Variants in SFMBT1 observed in about 807,000 individuals in gnomAD.
SFMBT1 encodes the protein Scm like with four mbt domains 1, also known as scm-like with four MBT domains protein 1.
SFMBT1 carries 32 observed loss-of-function variants against 108.7 expected under a neutral mutation model. The observed-to-expected ratio is 0.29, with a 90% CI of 0.22 to 0.40. The LOEUF is 0.40. SFMBT1 is among the 10% of genes least tolerant of loss of function. The probability of loss-of-function intolerance (pLI) is 1.00; values close to 1 mark genes in which losing one functional copy is unlikely to be tolerated. For missense variants in SFMBT1, 816 were observed against 1,059.6 expected, an observed-to-expected ratio of 0.77 and a Z score of 3.19; for synonymous variants, 348 against 369.5, an observed-to-expected ratio of 0.94 and a Z score of 0.67.
intron 1 of SFMBT1, among the ~76,000 whole-genome samples, chr3:52,995,119 T>C (rs1575426127): frequency 6.9e-6 from 1 of 145,096 alleles, no homozygotes; most frequent in South Asian, 2.2e-4. Context: ...ACTAAAAAAA[T>C]ACCTAAATAA....
intron 3 of SFMBT1, among the ~76,000 whole-genome samples, chr3:52,948,939 AG>A (rs1404247526): frequency 1.4e-5 from 2 of 145,300 alleles, no homozygotes; most frequent in African/African-American, 5.1e-5. Context: ...CTGGGATTAC[AG>A]GTGTGAGCCA....
chr3:52,958,961 A>G (rs181257357), intron 2 of SFMBT1, among the ~76,000 whole-genome samples: 17 of 152,352 alleles, frequency 1.1e-4, no homozygotes, highest in Admixed American at 1.1e-3. Flanking sequence ...AAGGAACGAG[A>G]TAATGTCCTT....
intron 3 of SFMBT1, 64 bp from the exon 4 acceptor site, chr3:52,943,657 G>A (rs1423261422): frequency 2.5e-6 from 4 of 1,604,288 alleles, no homozygotes; most frequent in African/African-American, 2.7e-5. Context: ...TTTGACCAAT[G>A]TTCTTTTTTA....
At chr3:52,915,555 G>A (rs535669490) in intron 14 of SFMBT1, among the ~76,000 whole-genome samples, 13 of 152,196 alleles carry the variant, frequency 8.5e-5, no homozygotes, top group Admixed American at 1.3e-4. Flanking sequence ...ACCCAAATGC[G>A]CAATCTGTGC....
chr3:52,920,564 G>A lies in SFMBT1; in HGVS notation c.1345C>T (p.Pro449Ser), dbSNP rs377104271. Residue 449 changes from proline (P) to serine (S), a missense_variant, in exon 12 of 21, where the codon CCC becomes TCC. Transcript: ENST00000394752. ...CGTGCTCGGCGAGGAGTGCTGAGGG[G>A]GTGGCCGTTGGTTTCACACCAGCCC... is the stretch of plus-strand genomic sequence containing the variant. ...PLGWCETNGH[P>S]LSTPRRARVY... 1 of 1,613,842 alleles carries A rather than the reference G, an allele frequency of 6.2e-7. No homozygotes were observed.
Position 52,904,365 on chromosome 3 carries a change from C to G in SFMBT1, c.*771G>C, listed in dbSNP as rs1451089635. Reference sequence around the variant, plus strand: ...AACAGTAACAGTAGAGTTCTCAGATCAGGTCAGTTAAGGAACTGGTGTAAG... The same window carrying G: ...AACAGTAACAGTAGAGTTCTCAGATGAGGTCAGTTAAGGAACTGGTGTAAG... On this transcript the variant is annotated 3_prime_UTR_variant, in exon 21 of 21. Coordinates refer to ENST00000394752, the MANE Select transcript of SFMBT1 (RefSeq NM_016329.4). The G allele has an allele frequency of 1.3e-5, 2 of 152,194 alleles. No homozygotes were observed. Among genetic ancestry groups the G allele is most frequent in the African/African-American group, 4.8e-5 (2 of 41,440 alleles). 9.4% of individuals were successfully genotyped at this position (152,194 alleles called of 1,614,324 possible). A position where few individuals can be genotyped will look rare whatever the true frequency, so the allele number is the denominator to read the frequency against.
chr3:52,974,863 T>TGAG (rs1207352879), intron 1 of SFMBT1, among the ~76,000 whole-genome samples: 13 of 142,814 alleles, frequency 9.1e-5, no homozygotes, highest in Non-Finnish European at 1.7e-4. Flanking sequence ...AAAAATTAGC[T>TGAG]GAGTGTGGTG....
chr3:52,965,484 C>A (rs1704101992), intron 2 of SFMBT1, among the ~76,000 whole-genome samples: 1 of 151,578 alleles, frequency 6.6e-6, no homozygotes, highest in African/African-American at 2.4e-5. Context: ...TAAAGCAAAG[C>A]GTTGCGGGTG....
intron 1 of SFMBT1, among the ~76,000 whole-genome samples, chr3:52,981,165 A>G (rs935820179): frequency 5.6e-5 from 5 of 89,334 alleles, no homozygotes; most frequent in African/African-American, 1.5e-4. Flanking sequence ...TCCATCTCAG[A>G]AAAAAAAAAA....
At chr3:52,950,037 T>C (rs1703518299) in intron 3 of SFMBT1, among the ~76,000 whole-genome samples, 4 of 151,980 alleles carry the variant, frequency 2.6e-5, no homozygotes, top group Admixed American at 2.0e-4. Context: ...GTCATATTTT[T>C]TGATCCACTC....
chr3:53,034,517 T>C (rs541483015), intron 1 of SFMBT1, among the ~76,000 whole-genome samples: 3 of 151,498 alleles, frequency 2.0e-5, no homozygotes, highest in Non-Finnish European at 2.9e-5. Flanking sequence ...GAGGCGGAGG[T>C]TGCAGTGAGC....
intron 1 of SFMBT1, among the ~76,000 whole-genome samples, chr3:53,040,130 G>C (rs1459420577): frequency 6.6e-6 from 1 of 152,154 alleles, no homozygotes. Context: ...AAAACTGAGA[G>C]ACAGGAAAGC....
At chr3:52,999,187 G>A (rs1301352144) in intron 1 of SFMBT1, among the ~76,000 whole-genome samples, 2 of 150,866 alleles carry the variant, frequency 1.3e-5, no homozygotes, top group Admixed American at 6.6e-5. Flanking sequence ...AGGGCCAGCC[G>A]GGCAGCCCAA....
intron 1 of SFMBT1, among the ~76,000 whole-genome samples, chr3:53,012,481 C>A (rs528525324): frequency 6.6e-6 from 1 of 152,016 alleles, no homozygotes; most frequent in African/African-American, 2.4e-5. Flanking sequence ...CAGCTCACTG[C>A]AAGCTCCGCC....
chr3:52,991,390 G>A (rs1705122697), intron 1 of SFMBT1, among the ~76,000 whole-genome samples: 2 of 106,652 alleles, frequency 1.9e-5, no homozygotes, highest in African/African-American at 6.2e-5. Flanking sequence ...TATTGCATAG[G>A]CTGCAGTGCA....
intron 13 of SFMBT1, 91 bp downstream of exon 13, chr3:52,918,393 C>A: frequency 1.0e-6 from 1 of 986,848 alleles, no homozygotes; most frequent in South Asian, 1.7e-5. Flanking sequence ...ATTATGCTTC[C>A]ATCTGAGAAA....
chr3:52,945,346 G>A (rs1326522928), intron 3 of SFMBT1, among the ~76,000 whole-genome samples: 1 of 151,644 alleles, frequency 6.6e-6, no homozygotes, highest in South Asian at 2.1e-4. Context: ...AATAAATAGT[G>A]AGAGTAATGC....
At chr3:52,991,256 A>ACC (rs1705112906) in intron 1 of SFMBT1, among the ~76,000 whole-genome samples, 1 of 149,594 alleles carries the variant, frequency 6.7e-6, no homozygotes, top group Non-Finnish European at 1.5e-5. Flanking sequence ...GCTCTCCATT[A>ACC]CCCTACAGTG....
intron 15 of SFMBT1, among the ~76,000 whole-genome samples, chr3:52,913,151 C>A (rs1258480004): frequency 2.0e-5 from 3 of 152,152 alleles, no homozygotes; most frequent in Admixed American, 1.3e-4. Flanking sequence ...TTATCACGGT[C>A]GCTAGGTTAA....
Sources: gnomAD v4.1 joint callset for allele counts (sites outside exome capture counted in the v4.1 genomes callset) on GRCh38, gnomAD v4.1.1 for gene constraint, MANE v1.5 for transcripts, NCBI Gene and HGNC (gene_info 2026-07-23, HGNC 2026-07-21) for gene names.